Variants in TMEM181 observed in about 807,000 individuals in gnomAD.
TMEM181 encodes the protein transmembrane protein 181, also known as G protein-coupled receptor 178.
Under a neutral mutation model 71.9 loss-of-function variants are expected in TMEM181, and 39 were observed. That is an observed-to-expected ratio of 0.54 (90% CI 0.42 to 0.71). The LOEUF (loss-of-function observed/expected upper bound fraction) is 0.71. Ranked by LOEUF, TMEM181 falls within the 30% of genes least tolerant of loss-of-function variation. TMEM181 has a pLI of 0.00. For synonymous variants in TMEM181, 245 were observed against 228.8 expected (o/e 1.07, Z -0.64); for missense variants, 595 against 583.0 (o/e 1.02, Z -0.21).
intron 16 of TMEM181, 42 bp downstream of exon 16, chr6:158,631,431 C>A: frequency 1.3e-6 from 2 of 1,591,326 alleles, no homozygotes; most frequent in South Asian, 1.1e-5. Context: ...CCTTGGGCAT[C>A]CCGGCACGGC....
rs182022951 is a variant in TMEM181 at position 158,627,392 on chromosome 6, T to A, written c.1110-1016T>A. On this transcript the variant is annotated intron_variant, in intron 13 of 16. Coordinates refer to ENST00000684151, the MANE Select transcript of TMEM181 (RefSeq NM_001376852.1). ...GACAGGCTTCTCTCTGTCACGGGATTTATGTTCACACAGAGAGAGACGAGT... is the reference window on the plus strand; with the variant it reads ...GACAGGCTTCTCTCTGTCACGGGATATATGTTCACACAGAGAGAGACGAGT... Among the ~76,000 whole-genome samples the A allele has an allele frequency of 2.0e-5, 3 of 152,328 alleles. No homozygotes were observed. In the East Asian group the frequency reaches 5.8e-4, roughly 29 times the overall value.
Position 158,625,954 on chromosome 6 carries a change from G to A in TMEM181, c.1109+200G>A, listed in dbSNP as rs564400846. Reference sequence around the variant, plus strand: ...GAGCATGTTTTTGTTGTAAGCGGCCGAGGACTGGAGCACGTTCACTTGCAC... The same window carrying A: ...GAGCATGTTTTTGTTGTAAGCGGCCAAGGACTGGAGCACGTTCACTTGCAC... On this transcript the variant is annotated intron_variant, in intron 13 of 16. Coordinates refer to ENST00000684151, the MANE Select transcript of TMEM181 (RefSeq NM_001376852.1). Among the ~76,000 whole-genome samples the A allele has an allele frequency of 5.3e-5, 8 of 152,306 alleles. No homozygotes were observed. In the South Asian group the frequency reaches 6.2e-4, roughly 12 times the overall value.
intron 4 of TMEM181, among the ~76,000 whole-genome samples, chr6:158,584,286 G>A (rs1227997723): frequency 6.6e-6 from 1 of 152,230 alleles, no homozygotes; most frequent in African/African-American, 2.4e-5. Flanking sequence ...GCTGCATGGT[G>A]TCGGCGCTAC....
chr6:158,554,713 A>G (rs975429253), intron 1 of TMEM181, among the ~76,000 whole-genome samples: 12 of 152,282 alleles, frequency 7.9e-5, no homozygotes, highest in Non-Finnish European at 1.2e-4. Context: ...AAGACACAAC[A>G]TAAAACATAA....
At chr6:158,585,715 G>A (rs561793973) in intron 5 of TMEM181, among the ~76,000 whole-genome samples, 6 of 152,262 alleles carry the variant, frequency 3.9e-5, no homozygotes, top group Admixed American at 3.3e-4. Flanking sequence ...GAGCATACAC[G>A]GTACTTGTTT....
chr6:158,623,719 G>A, intron 11 of TMEM181, 112 bp downstream of exon 11: 1 of 718,374 alleles, frequency 1.4e-6, no homozygotes, highest in Non-Finnish European at 2.3e-6. Flanking sequence ...TGACTACTTG[G>A]GAAGGACTAC....
intron 1 of TMEM181, among the ~76,000 whole-genome samples, chr6:158,547,041 G>T (rs1781548827): frequency 6.6e-6 from 1 of 152,154 alleles, no homozygotes; most frequent in African/African-American, 2.4e-5. Flanking sequence ...CAGCACTTTG[G>T]GAGGCTGAGG....
chr6:158,615,285 T>C (rs1167754219), intron 10 of TMEM181, among the ~76,000 whole-genome samples: 1 of 152,252 alleles, frequency 6.6e-6, no homozygotes, highest in Non-Finnish European at 1.5e-5. Flanking sequence ...AGAAATGCCT[T>C]CTTTTGAGAA....
At chr6:158,595,507 A>T (rs2128308574) in intron 6 of TMEM181, among the ~76,000 whole-genome samples, 1 of 152,358 alleles carries the variant, frequency 6.6e-6, no homozygotes, top group South Asian at 2.1e-4. Context: ...CAGCAGCGCA[A>T]TTCTTAATAG....
chr6:158,624,678 T>C (rs187729538), intron 11 of TMEM181, among the ~76,000 whole-genome samples: 518 of 152,322 alleles, frequency 3.4e-3, no homozygotes, highest in African/African-American at 0.012. Flanking sequence ...GAATGGTTGA[T>C]GGTTAAGACG....
At chr6:158,615,153 T>C (rs1290911776) in intron 10 of TMEM181, among the ~76,000 whole-genome samples, 1 of 152,236 alleles carries the variant, frequency 6.6e-6, no homozygotes, top group Non-Finnish European at 1.5e-5. Context: ...GGACCTGTTG[T>C]TTCCTGACGT....
In TMEM181 at chr6:158,580,850, A is replaced by G; in HGVS notation, c.113-90A>G. 4 of 1,172,424 alleles carry G rather than the reference A, an allele frequency of 3.4e-6. No homozygotes were observed. The South Asian group carries it at 4.3e-5, about 13-fold the overall frequency. The allele number at this position is 1,172,424 out of a possible 1,614,324, so 72.6% of individuals were successfully genotyped here. A position where few individuals can be genotyped will look rare whatever the true frequency, so the allele number is the denominator to read the frequency against. On this transcript the variant is annotated intron_variant, in intron 2 of 16. Transcript: ENST00000684151. ...AGGTGAATTAAGGTCATCTCCGTGT[A>G]ATGTGTGAGTCTTTCTTGGAATTTG... is the stretch of plus-strand genomic sequence containing the variant.
chr6:158,600,370 G>A (rs574994661), intron 6 of TMEM181, among the ~76,000 whole-genome samples: 159 of 151,410 alleles, frequency 1.1e-3, no homozygotes, highest in African/African-American at 3.7e-3. Context: ...GGCTGGTCTC[G>A]AACTCCTGAC....
chr6:158,567,584 A>G (rs1285635819), intron 1 of TMEM181, among the ~76,000 whole-genome samples: 3 of 152,210 alleles, frequency 2.0e-5, no homozygotes, highest in East Asian at 3.8e-4. Context: ...GGATTGAGGT[A>G]GCTTTGCTGG....
intron 1 of TMEM181, among the ~76,000 whole-genome samples, chr6:158,562,383 C>A (rs962181281): frequency 9.2e-5 from 14 of 152,042 alleles, no homozygotes; most frequent in Admixed American, 9.2e-4. Context: ...TTGAGACTCT[C>A]ATGCTCACAT....
At chr6:158,560,811 T>C (rs778939437) in intron 1 of TMEM181, among the ~76,000 whole-genome samples, 16 of 24,508 alleles carry the variant, frequency 6.5e-4, no homozygotes, top group Non-Finnish European at 8.4e-4. Context: ...CTGCTGACTT[T>C]GGGCTTTTTT....
At chr6:158,600,458 ATTTTTTTTTTTTTTT>A (rs61457107) in intron 6 of TMEM181, among the ~76,000 whole-genome samples, 1 of 91,854 alleles carries the variant, frequency 1.1e-5, no homozygotes, top group Non-Finnish European at 2.2e-5. Context: ...CCTAGGGTTA[ATTTTTTTTTTTTTTT>A]TTTTTTTTTT....
intron 5 of TMEM181, among the ~76,000 whole-genome samples, 157 bp downstream of exon 5, chr6:158,585,582 A>C (rs1022311841): frequency 6.6e-6 from 1 of 152,220 alleles, no homozygotes; most frequent in Non-Finnish European, 1.5e-5. Flanking sequence ...GCATGAAAAA[A>C]CTTACTTATT....
At chr6:158,572,975 G>A (rs1272005168) in intron 1 of TMEM181, among the ~76,000 whole-genome samples, 1 of 151,986 alleles carries the variant, frequency 6.6e-6, no homozygotes, top group South Asian at 2.1e-4. Context: ...CTGGAGCTTC[G>A]AGTGGGGCCT....
Sources: allele counts gnomAD v4.1 joint callset (sites outside exome capture counted in the v4.1 genomes callset), GRCh38; gene constraint gnomAD v4.1.1; transcripts MANE v1.5; gene names NCBI Gene and HGNC (gene_info 2026-07-23, HGNC 2026-07-21).